The following ZMAT4 variants were observed in gnomAD, a reference collection of about 807,000 sequenced individuals.
ZMAT4 encodes the protein zinc finger matrin-type 4.
Under a neutral mutation model 28.7 loss-of-function variants are expected in ZMAT4, and 17 were observed. The ratio of observed to expected loss-of-function variants is 0.59; its 90% CI spans 0.41 to 0.89. The LOEUF (loss-of-function observed/expected upper bound fraction) is 0.89. Ranked by LOEUF, ZMAT4 falls within the 40% of genes least tolerant of loss-of-function variation. The pLI, the probability that ZMAT4 is intolerant of heterozygous loss-of-function variation, is 0.00. For missense variants in ZMAT4, 240 were observed against 283.8 expected (o/e 0.85, Z 1.11); for synonymous variants, 117 against 109.2 (o/e 1.07, Z -0.44).
At chr8:40,795,240 C>A (rs75258818) in intron 2 of ZMAT4, among the ~76,000 whole-genome samples, 5,353 of 152,214 alleles carry the variant, frequency 0.035, 222 homozygotes, top group East Asian at 0.2. Context: ...GGGCAAACCT[C>A]CAAGAACAGT....
intron 3 of ZMAT4, among the ~76,000 whole-genome samples, chr8:40,747,606 CA>C (rs1296019628): frequency 6.6e-6 from 1 of 150,746 alleles, no homozygotes; most frequent in African/African-American, 2.4e-5. Context: ...GAAAAAAAAA[CA>C]ACACATAAAA....
chr8:40,587,216 C>T (rs1261800529), intron 5 of ZMAT4, among the ~76,000 whole-genome samples: 1 of 151,632 alleles, frequency 6.6e-6, no homozygotes, highest in Non-Finnish European at 1.5e-5. Flanking sequence ...AGAATATTCT[C>T]AAGGAACAAA....
chr8:40,786,695 G>T, intron 2 of ZMAT4: 2 of 1,288,914 alleles, frequency 1.6e-6, no homozygotes, highest in Non-Finnish European at 2.0e-6. Flanking sequence ...TTACGGGTCA[G>T]AATTCACACA....
chr8:40,673,723 T>G (rs912737036), intron 5 of ZMAT4, among the ~76,000 whole-genome samples: 3 of 152,220 alleles, frequency 2.0e-5, no homozygotes, highest in Non-Finnish European at 4.4e-5. Context: ...GATAAAATAT[T>G]CTATTTAGTC....
intron 3 of ZMAT4, among the ~76,000 whole-genome samples, chr8:40,756,357 C>A (rs529629902): frequency 2.1e-5 from 3 of 145,254 alleles, no homozygotes; most frequent in African/African-American, 7.7e-5. Flanking sequence ...AGAAACACAG[C>A]AACACTTATC....
chr8:40,681,722 G>A (rs1301548403), intron 4 of ZMAT4, among the ~76,000 whole-genome samples: 1 of 152,018 alleles, frequency 6.6e-6, no homozygotes, highest in Non-Finnish European at 1.5e-5. Context: ...ATCAACTTGG[G>A]GGAATTTTCA....
intron 6 of ZMAT4, among the ~76,000 whole-genome samples, chr8:40,564,646 C>A (rs1284690867): frequency 6.6e-6 from 1 of 152,152 alleles, no homozygotes; most frequent in Non-Finnish European, 1.5e-5. Context: ...TAAGGCAGGG[C>A]CACTGTTGCA....
chr8:40,742,765 A>G (rs1233144073), intron 3 of ZMAT4, among the ~76,000 whole-genome samples: 1 of 152,030 alleles, frequency 6.6e-6, no homozygotes, highest in African/African-American at 2.4e-5. Flanking sequence ...ACACACACAC[A>G]CACACACACA....
intron 3 of ZMAT4, among the ~76,000 whole-genome samples, chr8:40,731,069 A>T (rs1811516535): frequency 6.6e-6 from 1 of 152,118 alleles, no homozygotes; most frequent in Non-Finnish European, 1.5e-5. Context: ...AATATCAAGG[A>T]TCTGCACCCT....
chr8:40,696,957 T>C (rs905920595), intron 4 of ZMAT4: 3 of 275,996 alleles, frequency 1.1e-5, no homozygotes, highest in Admixed American at 9.8e-5. Flanking sequence ...TCTTATATAA[T>C]ACACAGTAGG....
chr8:40,621,122 G>A (rs1806183934), intron 5 of ZMAT4, among the ~76,000 whole-genome samples: 1 of 152,190 alleles, frequency 6.6e-6, no homozygotes, highest in Non-Finnish European at 1.5e-5. Flanking sequence ...TGGGCTCAGT[G>A]GAGGCAGAAC....
intron 5 of ZMAT4, among the ~76,000 whole-genome samples, chr8:40,621,094 T>A (rs1806183056): frequency 6.6e-6 from 1 of 152,080 alleles, no homozygotes; most frequent in Non-Finnish European, 1.5e-5. Context: ...CTAACAAGAG[T>A]GAGTACCATG....
rs569399298 is a variant in ZMAT4 at position 40,542,776 on chromosome 8, T to C, written c.675-10538A>G. On this transcript the variant is annotated intron_variant, in intron 6 of 6. Coordinates refer to ENST00000297737, the MANE Select transcript of ZMAT4 (RefSeq NM_024645.3). ...ACATTATGTAACAGAATAAGTGAAC[T>C]GTGGAAAAGAATGAAATGATGATCA... Among the ~76,000 whole-genome samples, 9 of 152,344 alleles carry C rather than the reference T, an allele frequency of 5.9e-5. No homozygotes were observed. The East Asian group carries it at 7.7e-4, about 13-fold the overall frequency.
At chr8:40,571,880 G>GA (rs561920079) in intron 6 of ZMAT4, among the ~76,000 whole-genome samples, 23 of 152,014 alleles carry the variant, frequency 1.5e-4, no homozygotes, top group South Asian at 4.1e-4. Context: ...GTATTTTTCA[G>GA]AAAAAAATGC....
chr8:40,862,977 A>AG (rs1563534807), intron 1 of ZMAT4, among the ~76,000 whole-genome samples: 2 of 152,120 alleles, frequency 1.3e-5, no homozygotes, highest in African/African-American at 2.4e-5. Flanking sequence ...AATTTAAAAA[A>AG]AAAAGAAAGA....
At chr8:40,554,061 T>A (rs533363265) in intron 6 of ZMAT4, among the ~76,000 whole-genome samples, 3 of 152,152 alleles carry the variant, frequency 2.0e-5, no homozygotes, top group East Asian at 1.9e-4. Flanking sequence ...TCATATCATA[T>A]CATATCATAG....
rs558401512 is a variant in ZMAT4 at position 40,751,416 on chromosome 8, A to G, written c.192+16225T>C. ...GTGGGGAGTAGGTGCCACACACTTAACAATCAGATATCATAAGAACTCACT... is the reference window on the plus strand; with the variant it reads ...GTGGGGAGTAGGTGCCACACACTTAGCAATCAGATATCATAAGAACTCACT... On this transcript the variant is annotated intron_variant, in intron 3 of 6. Transcript: ENST00000297737. Among the ~76,000 whole-genome samples the G allele has an allele frequency of 9.9e-5, 15 of 152,012 alleles. 1 individual carries two copies. The highest frequency in any genetic ancestry group is 3.4e-3 in the Middle Eastern group (1 of 294).
At chr8:40,674,648 G>C (rs1042265965) in intron 5 of ZMAT4, 56 bp downstream of exon 5, 37 of 1,381,564 alleles carry the variant, frequency 2.7e-5, no homozygotes, top group Admixed American at 5.2e-5. Context: ...TGTGAAAGCC[G>C]CATCTTTTCT....
At chr8:40,651,077 G>C (rs1030970854) in intron 5 of ZMAT4, among the ~76,000 whole-genome samples, 69 of 151,860 alleles carry the variant, frequency 4.5e-4, no homozygotes, top group African/African-American at 1.5e-3. Context: ...TTCTGGACAG[G>C]GCAATTAGGC....
Sources: gnomAD v4.1 joint callset for allele counts (sites outside exome capture counted in the v4.1 genomes callset) on GRCh38, gnomAD v4.1.1 for gene constraint, MANE v1.5 for transcripts, NCBI Gene and HGNC (gene_info 2026-07-23, HGNC 2026-07-21) for gene names.